The following SULT6B1 variants were observed in gnomAD, a reference collection of about 807,000 sequenced individuals.
SULT6B1 encodes the protein sulfotransferase 6B1.
Under a neutral mutation model 37.2 loss-of-function variants are expected in SULT6B1, and 44 were observed. The observed-to-expected ratio is 1.18, with a 90% confidence interval of 0.93 to 1.52. The LOEUF (loss-of-function observed/expected upper bound fraction) is 1.52, where lower values mean the gene tolerates loss of function less well. SULT6B1 is among the 40% of genes most tolerant of loss of function. The pLI is 0.00. For missense variants in SULT6B1, 450 were observed against 361.0 expected (o/e 1.25, Z -2.00); for synonymous variants, 140 against 126.0 (o/e 1.11, Z -0.74).
chr2:37,168,576 C>T (rs1340079121), intron 6 of SULT6B1, among the ~76,000 whole-genome samples: 1 of 152,172 alleles, frequency 6.6e-6, no homozygotes, highest in African/African-American at 2.4e-5. Flanking sequence ...TAGGGGGAGC[C>T]ATCAGCCTCA....
intron 3 of SULT6B1, 126 bp downstream of exon 3, chr2:37,183,299 A>G: frequency 2.7e-6 from 2 of 749,824 alleles, no homozygotes; most frequent in Non-Finnish European, 2.1e-6. Context: ...ACAAAAACAA[A>G]AAAACTAAAT....
Position 37,188,469 on chromosome 2 carries a change from T to C in SULT6B1, c.172A>G (p.Ile58Val), listed in dbSNP as rs147955124. 9.9e-6 allele frequency: 16 copies of C among 1,613,896 alleles called. No homozygotes were observed. The highest frequency in any genetic ancestry group is 4.5e-5 in the East Asian group (2 of 44,898). ...CACTTTGGATAAGATGCTAGCACGA[T>C]GTCATCATGTCTGGCTTCGAAGGTG... The part of the protein sequence containing the change: ...LDTFEARHDD[I>V]VLASYPKCGS... The change falls in exon 1 of 7, where the codon ATC becomes GTC. Residue 58 changes from isoleucine to valine, a missense_variant. Physicochemically the swap from Ile to Val is conservative, Grantham distance 29 (BLOSUM62 3). Transcript: ENST00000535679.
upstream of SULT6B1, chr2:37,191,048 A>C (rs573715492): frequency 6.6e-6 from 1 of 152,266 alleles, no homozygotes; most frequent in African/African-American, 2.4e-5. Context: ...AGTGATTAAA[A>C]GATATTTTAA....
At chr2:37,190,093 G>A (rs1463726906), upstream of SULT6B1, 2 of 152,202 alleles carry the variant, frequency 1.3e-5, no homozygotes, top group Admixed American at 1.3e-4. Context: ...TTGAGCCACT[G>A]AATTATTGGA....
chr2:37,180,755 G>C (rs1349345443), intron 3 of SULT6B1, among the ~76,000 whole-genome samples: 1 of 152,134 alleles, frequency 6.6e-6, no homozygotes, highest in Non-Finnish European at 1.5e-5. Context: ...GCAGTGTTGT[G>C]CACCTGTAGT....
At chr2:37,171,214 TG>T (rs1412795876) in intron 6 of SULT6B1, among the ~76,000 whole-genome samples, 9 of 152,088 alleles carry the variant, frequency 5.9e-5, no homozygotes, top group Non-Finnish European at 1.3e-4. Context: ...CACTCCAGCC[TG>T]GGCAACAGAG....
chr2:37,174,967 C>T (rs569626446), intron 5 of SULT6B1, among the ~76,000 whole-genome samples, 165 bp downstream of exon 5: 2 of 152,262 alleles, frequency 1.3e-5, no homozygotes, highest in Admixed American at 6.5e-5. Context: ...ACAACCTAAG[C>T]ATGTATGCAT....
intron 4 of SULT6B1, 35 bp from the exon 5 acceptor site, chr2:37,175,261 C>T (rs776091498): frequency 2.3e-5 from 29 of 1,238,018 alleles, no homozygotes; most frequent in Non-Finnish European, 3.2e-5. Context: ...TAAGAAATGT[C>T]AAATAACTGA....
upstream of SULT6B1, among the ~76,000 whole-genome samples, chr2:37,193,386 C>T (rs543357988): frequency 1.2e-4 from 18 of 151,732 alleles, no homozygotes; most frequent in South Asian, 6.3e-4. Flanking sequence ...CGCTTGAATC[C>T]GGGAGGCAGG....
At chr2:37,181,151 G>C (rs1369905304) in intron 3 of SULT6B1, among the ~76,000 whole-genome samples, 1 of 152,056 alleles carries the variant, frequency 6.6e-6, no homozygotes, top group Non-Finnish European at 1.5e-5. Context: ...GAGATCAATG[G>C]GTCTGGGTCT....
At chr2:37,188,921 G>A (rs1339215672), upstream of SULT6B1, among the ~76,000 whole-genome samples, 2 of 152,194 alleles carry the variant, frequency 1.3e-5, no homozygotes, top group South Asian at 2.1e-4. Context: ...TATCCTAATA[G>A]AAGAAAATAT....
At chr2:37,182,952 T>C (rs1382495609) in intron 3 of SULT6B1, among the ~76,000 whole-genome samples, 1 of 152,162 alleles carries the variant, frequency 6.6e-6, no homozygotes, top group Admixed American at 6.5e-5. Flanking sequence ...GAGGCCTTGG[T>C]GGCAGAAGGA....
intron 5 of SULT6B1, among the ~76,000 whole-genome samples, chr2:37,173,862 C>A (rs1303297096): frequency 6.6e-6 from 1 of 152,122 alleles, no homozygotes; most frequent in Non-Finnish European, 1.5e-5. Context: ...TTTGCTTTGC[C>A]CCAGTTCATT....
chr2:37,183,100 T>C (rs939739747), intron 3 of SULT6B1, among the ~76,000 whole-genome samples: 1 of 152,222 alleles, frequency 6.6e-6, no homozygotes, highest in African/African-American at 2.4e-5. Context: ...GAACAATTTT[T>C]TTCTCATTTT....
At chr2:37,191,743 C>T (rs1249015452), upstream of SULT6B1, among the ~76,000 whole-genome samples, 1 of 152,194 alleles carries the variant, frequency 6.6e-6, no homozygotes, top group Admixed American at 6.5e-5. Context: ...ACGAAAAAAA[C>T]TGTAATACTG....
rs200087048 is a variant in SULT6B1, at chr2:37,185,717, C to CAAAAAAA, written c.312+1631_312+1637dup. On this transcript the variant is annotated intron_variant, in intron 2 of 6. Coordinates refer to ENST00000535679, the MANE Select transcript of SULT6B1 (RefSeq NM_001367551.1). The stretch of plus-strand genomic sequence containing the variant: ...TGGGTGACAGAGTGAGACTCCATTT[C>CAAAAAAA]AAAAAAAAAAAAAAAAAAAACAGAG... 7.5e-3 allele frequency among the ~76,000 whole-genome samples: 627 copies of CAAAAAAA among 83,354 alleles called. 26 individuals carry two copies. The highest frequency in any genetic ancestry group is 0.027 in the African/African-American group (562 of 20,514). The allele number at this position is 83,354 out of a possible 152,430, so 54.7% of individuals were successfully genotyped here. A position where few individuals can be genotyped will look rare whatever the true frequency, so the allele number is the denominator to read the frequency against.
upstream of SULT6B1, among the ~76,000 whole-genome samples, chr2:37,189,715 T>C (rs1572467799): frequency 6.6e-6 from 1 of 152,254 alleles, no homozygotes; most frequent in East Asian, 1.9e-4. Context: ...GGAAGGTGCT[T>C]CTCCCTGGAA....
intron 2 of SULT6B1, among the ~76,000 whole-genome samples, chr2:37,185,727 A>AAAAAAAAAC (rs1558451069): frequency 5.3e-5 from 8 of 150,434 alleles, no homozygotes; most frequent in East Asian, 1.9e-4. Context: ...CAAAAAAAAA[A>AAAAAAAAAC]AAAAAAAAAA....
Position 37,171,567 on chromosome 2 carries a change from C to T in SULT6B1, c.648G>A (p.Gln216=), listed in dbSNP as rs1558444086. The T allele has an allele frequency of 1.2e-6, 2 of 1,613,098 alleles. No individual in the cohort carries two copies. The stretch of plus-strand genomic sequence containing the variant: ...GAAAGAATCCCAAGAACTCAGCAAT[C>T]TGTTTTATTCCAGCAGCCAGATTCT... The part of the protein sequence containing the change: ...LKENLAAGIK[Q]IAEFLGFFLT... Residue 216 remains glutamine (Q), a synonymous_variant, in exon 6 of 7, where the codon CAG becomes CAA. Coordinates refer to ENST00000535679, the MANE Select transcript of SULT6B1 (RefSeq NM_001367551.1).
Sources: allele counts gnomAD v4.1 joint callset (sites outside exome capture counted in the v4.1 genomes callset), GRCh38; gene constraint gnomAD v4.1.1; transcripts MANE v1.5; gene names NCBI Gene and HGNC (gene_info 2026-07-23, HGNC 2026-07-21).